The following MYH11 variants were observed in gnomAD, a reference collection of about 807,000 sequenced individuals.
The protein encoded by MYH11 is myosin-11.
In MYH11, 80 loss-of-function variants were observed where a neutral mutation model predicts 246.6. That is an observed-to-expected ratio of 0.32 (90% CI 0.27 to 0.39). The LOEUF is 0.39. Among genes scored for constraint, MYH11 ranks in the 10% least tolerant of loss-of-function variants. The pLI, the probability that MYH11 is intolerant of heterozygous loss-of-function variation, is 1.00. For missense variants in MYH11, 2,158 were observed against 2,546.8 expected (o/e 0.85, Z 3.29); for synonymous variants, 1,071 against 1,015.5 (o/e 1.05, Z -1.04).
At chr16:15,756,667 T>G (rs547257471) in intron 13 of MYH11, among the ~76,000 whole-genome samples, 153 bp from the exon 14 acceptor site, 1 of 152,186 alleles carries the variant, frequency 6.6e-6, no homozygotes, top group Non-Finnish European at 1.5e-5. Flanking sequence ...CCCCCATGCT[T>G]CCAAATCTAC....
At chr16:15,755,780 A>G (rs2041695697) in intron 14 of MYH11, among the ~76,000 whole-genome samples, 1 of 152,130 alleles carries the variant, frequency 6.6e-6, no homozygotes, top group South Asian at 2.1e-4. Flanking sequence ...AAAAATACAA[A>G]AATTAGCTGG....
intron 20 of MYH11, 95 bp downstream of exon 20, chr16:15,745,034 C>G (rs1427240282): frequency 1.1e-6 from 1 of 936,120 alleles, no homozygotes; most frequent in Non-Finnish European, 1.8e-6. Flanking sequence ...ATTCCACACC[C>G]ACTTGCGACC....
chr16:15,843,024 A>G (rs760127527), intron 1 of MYH11, among the ~76,000 whole-genome samples: 1 of 152,148 alleles, frequency 6.6e-6, no homozygotes, highest in Non-Finnish European at 1.5e-5. Flanking sequence ...GAAGAATTCC[A>G]GCGAATACAT....
intron 22 of MYH11, among the ~76,000 whole-genome samples, chr16:15,740,472 A>T (rs1182121946): frequency 6.6e-6 from 1 of 151,926 alleles, no homozygotes. Flanking sequence ...TTAGCCAGGC[A>T]TGGTGGTGGG....
intron 28 of MYH11, 156 bp from the exon 29 acceptor site, chr16:15,725,148 A>AACAC: frequency 3.3e-6 from 2 of 608,184 alleles, no homozygotes; most frequent in East Asian, 5.7e-5. Flanking sequence ...AAAAAAAAAA[A>AACAC]ACACACACAC....
intron 1 of MYH11, among the ~76,000 whole-genome samples, chr16:15,847,184 T>A (rs1313378066): frequency 6.6e-6 from 1 of 151,476 alleles, no homozygotes; most frequent in African/African-American, 2.4e-5. Context: ...GCCAATTACA[T>A]CCCAAGAGGG....
intron 27 of MYH11, among the ~76,000 whole-genome samples, chr16:15,731,609 A>T (rs769932722): frequency 1.3e-5 from 2 of 151,686 alleles, no homozygotes; most frequent in Non-Finnish European, 2.9e-5. Context: ...GTCCTGCCTC[A>T]GCCTCCCGAG....
intron 38 of MYH11, among the ~76,000 whole-genome samples, chr16:15,715,495 G>A (rs1305252757): frequency 1.3e-5 from 2 of 152,226 alleles, no homozygotes; most frequent in Non-Finnish European, 2.9e-5. Context: ...AGTGAAAGAA[G>A]ACACATAGCA....
chr16:15,718,216 C>T, intron 37 of MYH11, 99 bp downstream of exon 37: 2 of 1,585,236 alleles, frequency 1.3e-6, no homozygotes, highest in Non-Finnish European at 1.7e-6. Context: ...AATCCAGGGC[C>T]TGCACACAGG....
intron 3 of MYH11, among the ~76,000 whole-genome samples, chr16:15,810,196 G>C (rs965759280): frequency 1.3e-5 from 2 of 151,562 alleles, no homozygotes; most frequent in African/African-American, 4.8e-5. Context: ...ACCATGCCTG[G>C]CTAATTTTTT....
At chr16:15,835,023 C>G (rs1040582547) in intron 2 of MYH11, among the ~76,000 whole-genome samples, 4 of 146,724 alleles carry the variant, frequency 2.7e-5, no homozygotes, top group African/African-American at 1.0e-4. Flanking sequence ...GGAAGCTGTA[C>G]TGAGCTACGA....
chr16:15,836,545 G>A (rs1411103280), intron 2 of MYH11, among the ~76,000 whole-genome samples: 1 of 151,256 alleles, frequency 6.6e-6, no homozygotes, highest in Non-Finnish European at 1.5e-5. Flanking sequence ...GATTACAGGC[G>A]CACACCATCA....
chr16:15,720,322 G>C lies in MYH11; in HGVS notation c.4792-10C>G, dbSNP rs1432532960. The C allele has an allele frequency of 2.0e-5, 32 of 1,612,544 alleles. No homozygotes were observed. The highest frequency in any genetic ancestry group is 2.7e-5 in the Non-Finnish European group (32 of 1,179,372). On this transcript the variant is annotated splice_polypyrimidine_tract_variant and intron_variant, in intron 33 of 40. Transcript: ENST00000300036. Reference sequence around the variant, plus strand: ...TCTCATACTCGTGAAGCTGGGCGAGGAATAGAGATGTGTGCTGCCCCACTT... The same window carrying C: ...TCTCATACTCGTGAAGCTGGGCGAGCAATAGAGATGTGTGCTGCCCCACTT...
intron 16 of MYH11, 23 bp from the exon 17 acceptor site, chr16:15,748,191 T>G (rs1178371730): frequency 6.2e-7 from 1 of 1,612,756 alleles, no homozygotes; most frequent in Non-Finnish European, 8.5e-7. Flanking sequence ...AAGAGGGCAG[T>G]GGATCCCTGG....
chr16:15,811,413 C>T (rs577657629), intron 3 of MYH11, among the ~76,000 whole-genome samples: 6 of 152,208 alleles, frequency 3.9e-5, no homozygotes, highest in South Asian at 2.1e-4. Context: ...CTGAGGGCAG[C>T]GAAGCTGGGT....
intron 27 of MYH11, 53 bp from the exon 28 acceptor site, chr16:15,727,107 C>G (rs985967514): frequency 3.9e-6 from 6 of 1,550,722 alleles, no homozygotes; most frequent in Admixed American, 1.7e-5. Context: ...GCCGGGAGAA[C>G]GTTTCAGGCC....
chr16:15,789,558 CTTTTA>C (rs112677391), intron 4 of MYH11, among the ~76,000 whole-genome samples: 10,651 of 152,130 alleles, frequency 0.07, 453 homozygotes, highest in African/African-American at 0.1. Flanking sequence ...GCCTCCTACC[CTTTTA>C]TTTTAACAAA....
chr16:15,706,079 A>C (rs1305024927), intron 40 of MYH11, among the ~76,000 whole-genome samples: 1 of 151,244 alleles, frequency 6.6e-6, no homozygotes, highest in Non-Finnish European at 1.5e-5. Context: ...AGGATGGGAG[A>C]GACCCCGGCT....
chr16:15,840,087 A>C (rs570232170), intron 1 of MYH11, among the ~76,000 whole-genome samples: 7 of 152,080 alleles, frequency 4.6e-5, no homozygotes, highest in Non-Finnish European at 8.8e-5. Context: ...GTGGCAAGGA[A>C]AGGAATGGAT....
Sources: gnomAD v4.1 joint callset for allele counts (sites outside exome capture counted in the v4.1 genomes callset) on GRCh38, gnomAD v4.1.1 for gene constraint, MANE v1.5 for transcripts, NCBI Gene and HGNC (gene_info 2026-07-23, HGNC 2026-07-21) for gene names.